MUC17: variants seen among roughly 807,000 people sequenced by gnomAD.
MUC17 encodes mucin 17, cell surface associated.
MUC17 carries 190 observed loss-of-function variants against 170.3 expected under a neutral mutation model. The observed-to-expected ratio is 1.12, with a 90% CI of 0.99 to 1.26. MUC17 has a LOEUF of 1.26. Among genes scored for constraint, MUC17 ranks in the 50% most tolerant of loss-of-function variants. MUC17 has a pLI of 0.00. For missense variants in MUC17, 6,415 were observed against 5,530.0 expected (o/e 1.16, Z -5.08); for synonymous variants, 2,325 against 2,002.5 (o/e 1.16, Z -4.30).
rs773032549 is a variant in MUC17 at position 101,042,623 on chromosome 7, C to T, written c.11207C>T (p.Ala3736Val). Residue 3736 changes from alanine (A) to valine (V), a missense_variant, in exon 3 of 13, where the codon GCA becomes GTA. Physicochemically the swap from Ala to Val is moderately conservative, Grantham distance 64 (BLOSUM62 0). Transcript: ENST00000306151. ...TTSTEAISSSATLDSTTMSVS... is the reference protein window; with the variant it reads ...TTSTEAISSSVTLDSTTMSVS... ...TCTACTGAAGCCATTTCATCTTCTGCAACTCTTGACAGCACCACCATGTCT... is the reference window on the plus strand; with the variant it reads ...TCTACTGAAGCCATTTCATCTTCTGTAACTCTTGACAGCACCACCATGTCT... 6.2e-7 allele frequency: 1 copy of T among 1,614,062 alleles called. No individual in the cohort carries two copies. Among genetic ancestry groups the T allele is most frequent in the South Asian group, 1.1e-5 (1 of 91,086 alleles).
Position 101,022,163 on chromosome 7 carries a change from A to ATT in MUC17, c.82+1966_82+1967dup, listed in dbSNP as rs1247384498. On this transcript the variant is annotated intron_variant, in intron 1 of 12. Coordinates refer to ENST00000306151, the MANE Select transcript of MUC17 (RefSeq NM_001040105.2). The stretch of plus-strand genomic sequence containing the variant: ...CCCACTCTTGTCCTCCTCCCGAGAG[A>ATT]TTTTTTTTTTTTTTTTTTTTTGAGG... Among the ~76,000 whole-genome samples the ATT allele has an allele frequency of 2.4e-3, 266 of 112,980 alleles. 1 individual carries two copies. Among genetic ancestry groups the ATT allele is most frequent in the African/African-American group, 6.4e-3 (183 of 28,702 alleles). The allele number at this position is 112,980 out of a possible 152,430, so 74.1% of individuals were successfully genotyped here. A position where few individuals can be genotyped will look rare whatever the true frequency, so the allele number is the denominator to read the frequency against.
Position 101,037,623 on chromosome 7 carries a change from T to G in MUC17, c.6207T>G (p.Val2069=). The G allele has an allele frequency of 6.2e-7, 1 of 1,613,812 alleles. No homozygotes were observed. The highest frequency in any genetic ancestry group is 8.5e-7 in the Non-Finnish European group (1 of 1,179,840). Residue 2069 remains valine (V), a synonymous_variant, in exon 3 of 13, where the codon GTT becomes GTG. Coordinates refer to ENST00000306151, the MANE Select transcript of MUC17 (RefSeq NM_001040105.2). ...GTAACACCCTTTCAACAACTCCTGT[T>G]GACTCCAAAACTCAGGTGACCAATT... ...SEGNTLSTTP[V]DSKTQVTNST...
chr7:101,036,338 C>T lies in MUC17; in HGVS notation c.4922C>T (p.Thr1641Met), dbSNP rs201259809. The change falls in exon 3 of 13, where the codon ACG (threonine) becomes ATG (methionine). Residue 1641 changes from threonine to methionine, a missense_variant. Coordinates refer to ENST00000306151, the MANE Select transcript of MUC17 (RefSeq NM_001040105.2). ...PLLTSIPVSTTPVASPEASTL... is the reference protein window; with the variant it reads ...PLLTSIPVSTMPVASPEASTL... The stretch of plus-strand genomic sequence containing the variant: ...TTAACAAGTATACCTGTCAGCACCA[C>T]GCCGGTGGCCAGTCCTGAGGCTAGC... The T allele has an allele frequency of 1.4e-5, 23 of 1,611,410 alleles. No homozygotes were observed. The highest frequency in any genetic ancestry group is 3.3e-5 in the South Asian group (3 of 90,594).
Position 101,033,345 on chromosome 7 carries a change from T to G in MUC17, c.1929T>G (p.Ser643Arg), listed in dbSNP as rs1427504818. The change falls in exon 3 of 13, where the codon AGT (serine) becomes AGG (arginine). Residue 643 changes from serine (S) to arginine (R), a missense_variant. Ser to Arg is a moderately radical substitution (Grantham distance 110). Coordinates refer to ENST00000306151, the MANE Select transcript of MUC17 (RefSeq NM_001040105.2). Reference sequence around the variant, plus strand: ...CTGTCAGCACCACACTGGTGGCCAGTTCTGAGGCTAGCACCCTTTCAACAA... The same window carrying G: ...CTGTCAGCACCACACTGGTGGCCAGGTCTGAGGCTAGCACCCTTTCAACAA... The part of the protein sequence containing the change: ...SMSVSTTLVA[S>R]SEASTLSTTP... 6.2e-7 allele frequency: 1 copy of G among 1,613,770 alleles called. No individual in the cohort carries two copies. The highest frequency in any genetic ancestry group is 8.5e-7 in the Non-Finnish European group (1 of 1,179,846).
chr7:101,051,561 C>T lies in MUC17; in HGVS notation c.12875-52C>T, dbSNP rs370332428. On this transcript the variant is annotated intron_variant, in intron 7 of 12. Coordinates refer to ENST00000306151, the MANE Select transcript of MUC17 (RefSeq NM_001040105.2). ...CACACACGTCTCAGCTCCCTGAGGA[C>T]GCAGAACAAGCGTGTATGTGTCGTG... 4.7e-5 allele frequency: 74 copies of T among 1,582,268 alleles called. 1 individual carries two copies. Among genetic ancestry groups the T allele is most frequent in the African/African-American group, 1.8e-4 (13 of 74,070 alleles).
intron 11 of MUC17, 133 bp from the exon 12 acceptor site, chr7:101,056,061 A>G: frequency 7.8e-7 from 1 of 1,284,130 alleles, no homozygotes; most frequent in Non-Finnish European, 1.1e-6. Context: ...AGTTTGTCAC[A>G]TTTTCAAGGG....
In MUC17 at chr7:101,035,634, G is replaced by A. The variant is rs138415845; in HGVS notation, c.4218G>A (p.Thr1406=). The A allele has an allele frequency of 4.1e-4, 666 of 1,611,578 alleles. 2 individuals carry two copies. Among genetic ancestry groups the A allele is most frequent in the Middle Eastern group, 4.0e-3 (24 of 6,042 alleles). Residue 1406 remains threonine, a synonymous_variant, in exon 3 of 13, where the codon ACG becomes ACA. Transcript: ENST00000306151. ...TAACAAGTATACCTGTCAGCACCACGCCGGTAGTCAGTTCTGAGGCTAGCA... is the reference window on the plus strand; with the variant it reads ...TAACAAGTATACCTGTCAGCACCACACCGGTAGTCAGTTCTGAGGCTAGCA... The part of the protein sequence containing the change: ...TPLTSIPVST[T]PVVSSEASTL...
In MUC17 at chr7:101,043,460, G is replaced by T; in HGVS notation, c.12044G>T (p.Arg4015Ile). The change falls in exon 3 of 13, where the codon AGA becomes ATA. Residue 4015 changes from arginine to isoleucine, a missense_variant. Physicochemically the swap from Arg to Ile is moderately conservative, Grantham distance 97. Transcript: ENST00000306151. ...ATGTCTACTGCCCCCAGCACACCCA[G>T]AACAACCAGCAGAGGCTGCACTACT... is the stretch of plus-strand genomic sequence containing the variant. ...VTMSTAPSTP[R>I]TTSRGCTTSA... is the part of the protein sequence containing the mutation. 1 of 1,614,082 alleles carries T rather than the reference G, an allele frequency of 6.2e-7. No homozygotes were observed.
chr7:101,048,121 T>A lies in MUC17; in HGVS notation c.12535+6T>A. 1 of 1,575,896 alleles carries A rather than the reference T, an allele frequency of 6.3e-7. No homozygotes were observed. The highest frequency in any genetic ancestry group is 8.6e-7 in the Non-Finnish European group (1 of 1,161,878). On this transcript the variant is annotated splice_donor_region_variant and intron_variant, in intron 4 of 12. Transcript: ENST00000306151. ...GGTCAGCAGCATTGACATAGGTGAG[T>A]GCAACCCCAGGCCTTCCCCCACCCC...
rs1356225860 is a variant in MUC17 at position 101,041,088 on chromosome 7, A to C, written c.9672A>C (p.Leu3224Phe). The C allele has an allele frequency of 1.9e-6, 3 of 1,613,838 alleles. No individual in the cohort carries two copies. Among genetic ancestry groups the C allele is most frequent in the Non-Finnish European group, 2.5e-6 (3 of 1,179,970 alleles). Residue 3224 changes from leucine (L) to phenylalanine (F), a missense_variant, in exon 3 of 13, where the codon TTA becomes TTC. Transcript: ENST00000306151. ...TSTPSEGMTPLTSVPVSNTPV... is the reference protein window; with the variant it reads ...TSTPSEGMTPFTSVPVSNTPV... ...CTCCTAGTGAAGGAATGACTCCATT[A>C]ACTAGTGTACCTGTCAGCAACACGC...
At chr7:101,026,838 T>A (rs1283842070) in intron 1 of MUC17, among the ~76,000 whole-genome samples, 1 of 152,052 alleles carries the variant, frequency 6.6e-6, no homozygotes, top group Non-Finnish European at 1.5e-5. Flanking sequence ...CCTCAGCCTC[T>A]TGAGTACCTG....
chr7:101,039,916 C>T lies in MUC17; in HGVS notation c.8500C>T (p.Pro2834Ser), dbSNP rs1412505918. The change falls in exon 3 of 13, where the codon CCT (proline) becomes TCT (serine). Residue 2834 changes from proline (P) to serine (S), a missense_variant. Coordinates refer to ENST00000306151, the MANE Select transcript of MUC17 (RefSeq NM_001040105.2). ...TGAGGCTGGCACCCTTTCAACAACT[C>T]CTGTTGACACCAGCACACCTGTGAC... ...SSEAGTLSTT[P>S]VDTSTPVTTS... The T allele has an allele frequency of 6.2e-7, 1 of 1,613,158 alleles. No homozygotes were observed. The highest frequency in any genetic ancestry group is 1.3e-5 in the African/African-American group (1 of 74,798).
At chr7:101,050,872 G>A (rs544266479) in intron 7 of MUC17, among the ~76,000 whole-genome samples, 45 of 152,236 alleles carry the variant, frequency 3.0e-4, no homozygotes, top group African/African-American at 9.4e-4. Context: ...AAGGGACAAA[G>A]GCAAATGGAG....
chr7:101,049,288 C>T lies in MUC17; in HGVS notation c.12664-36C>T, dbSNP rs762603168. 6.2e-6 allele frequency: 10 copies of T among 1,613,740 alleles called. No homozygotes were observed. In the Admixed American group the frequency reaches 1.7e-4, roughly 27 times the overall value. ...ATGTCCCACAGAACGGCCCCGTGGT[C>T]CCTCTGGGATGACACAGTGGCCCCT... is the stretch of plus-strand genomic sequence containing the variant. On this transcript the variant is annotated intron_variant, in intron 5 of 12. Transcript: ENST00000306151.
In MUC17 at chr7:101,034,106, C is replaced by A; in HGVS notation, c.2690C>A (p.Thr897Asn). 4.4e-6 allele frequency: 7 copies of A among 1,584,928 alleles called. No homozygotes were observed. The highest frequency in any genetic ancestry group is 6.0e-6 in the Non-Finnish European group (7 of 1,164,890). ...TTPVDTSTPV[T>N]NSTEARSSPT... ...CCTGTTGACACCAGCACACCTGTGA[C>A]CAATTCTACTGAAGCCCGTTCGTCT... is the stretch of plus-strand genomic sequence containing the variant. Residue 897 changes from threonine to asparagine, a missense_variant, in exon 3 of 13, where the codon ACC becomes AAC. Transcript: ENST00000306151.
At chr7:101,044,782 C>G (rs1432396433) in intron 3 of MUC17, among the ~76,000 whole-genome samples, 1 of 152,106 alleles carries the variant, frequency 6.6e-6, no homozygotes, top group East Asian at 1.9e-4. Flanking sequence ...TTTGTTCATA[C>G]TAAAGTACGA....
At position 101,040,533 on chromosome 7, in the gene MUC17, A is replaced by C; in HGVS notation, c.9117A>C (p.Ser3039=). 1 of 1,610,426 alleles carries C rather than the reference A, an allele frequency of 6.2e-7. No homozygotes were observed. The highest frequency in any genetic ancestry group is 8.5e-7 in the Non-Finnish European group (1 of 1,178,868). Residue 3039 remains serine, a synonymous_variant, in exon 3 of 13, where the codon TCA becomes TCC. Transcript: ENST00000306151. ...TTAEGTGIPI[S]TPSEGSTPLT... The stretch of plus-strand genomic sequence containing the variant: ...CTGAAGGTACCGGCATACCAATCTC[A>C]ACTCCTAGTGAAGGAAGTACTCCAT...
At position 101,037,957 on chromosome 7, in the gene MUC17, C is replaced by T; in HGVS notation, c.6541C>T (p.Leu2181Phe). ...GGTGGCCAGTTCTGCAATCAGCACC[C>T]TTTCAACAACTCCTGTTGACACCAG... ...TVVASSAIST[L>F]STTPVDTSTP... is the part of the protein sequence containing the mutation. The change falls in exon 3 of 13, where the codon CTT (leucine) becomes TTT (phenylalanine). Residue 2181 changes from leucine (L) to phenylalanine (F), a missense_variant. Physicochemically the swap from Leu to Phe is conservative, Grantham distance 22. Coordinates refer to ENST00000306151, the MANE Select transcript of MUC17 (RefSeq NM_001040105.2). The T allele has an allele frequency of 6.2e-6, 10 of 1,612,718 alleles. No homozygotes were observed. The highest frequency in any genetic ancestry group is 8.5e-6 in the Non-Finnish European group (10 of 1,178,978).
At chr7:101,049,269 C>T (rs957451838) in intron 5 of MUC17, 55 bp from the exon 6 acceptor site, 1 of 1,612,700 alleles carries the variant, frequency 6.2e-7, no homozygotes, top group African/African-American at 1.3e-5. Flanking sequence ...CCTGATGTCC[C>T]ACAGAACGGC....
Sources: allele counts gnomAD v4.1 joint callset (sites outside exome capture counted in the v4.1 genomes callset), GRCh38; gene constraint gnomAD v4.1.1; transcripts MANE v1.5; gene names NCBI Gene and HGNC (gene_info 2026-07-23, HGNC 2026-07-21).